RTL9: variants seen among roughly 807,000 people sequenced by gnomAD.
RTL9 encodes the protein retrotransposon Gag like 9.
Under a neutral mutation model 44.7 loss-of-function variants are expected in RTL9, and 19 were observed. The observed-to-expected ratio is 0.42, with a 90% CI of 0.30 to 0.62. The LOEUF (loss-of-function observed/expected upper bound fraction) is 0.62, where lower values mean the gene tolerates loss of function less well. RTL9 is among the 20% of genes least tolerant of loss of function. The probability of loss-of-function intolerance (pLI) is 0.16; values close to 1 mark genes in which losing one functional copy is unlikely to be tolerated. For synonymous variants in RTL9, 407 were observed against 398.9 expected, an observed-to-expected ratio of 1.02 and a Z score of -0.24; for missense variants, 1,105 against 1,080.6, an observed-to-expected ratio of 1.02 and a Z score of -0.32.
chrX:110,449,315 G>A (rs1435196545), upstream of RTL9, among the ~76,000 whole-genome samples: 1 of 112,476 alleles, frequency 8.9e-6, no homozygotes, highest in Admixed American at 9.4e-5. Context: ...GTGCCTAGCA[G>A]AGTGTTTGCC....
chrX:110,429,453 A>G (rs915069646), intron 1 of RTL9, among the ~76,000 whole-genome samples: 1 of 100,461 alleles, frequency 1.0e-5, no homozygotes, highest in Non-Finnish European at 1.9e-5. Context: ...ACTTAGAGAA[A>G]AAGTGTTTTT....
At chrX:110,365,528 C>T (rs186861145) in intron 1 of RTL9, among the ~76,000 whole-genome samples, 53 of 111,806 alleles carry the variant, frequency 4.7e-4, no homozygotes, top group Non-Finnish European at 9.0e-4. Context: ...TAATCCTGCT[C>T]TCCTGAGACA....
At chrX:110,452,927 A>G (rs142157961) in exon 1 of RTL9, 49 of 1,210,039 alleles carry the variant, frequency 4.0e-5, no homozygotes, top group Non-Finnish European at 5.5e-5. Context: ...TGTCCACACC[A>G]CTAATGAGAA....
chrX:110,424,351 T>C (rs972336285), intron 1 of RTL9, among the ~76,000 whole-genome samples: 16 of 111,820 alleles, frequency 1.4e-4, no homozygotes, highest in Admixed American at 7.6e-4. Flanking sequence ...CTGCTACTGT[T>C]TCTCCTCCTC....
At chrX:110,455,085 A>T (rs1286927615) in intron 1 of RTL9, 117 bp from the exon 4 acceptor site, 2 of 967,789 alleles carry the variant, frequency 2.1e-6, no homozygotes, top group African/African-American at 3.9e-5. Context: ...ACTGTATGCA[A>T]GTGAGATAAA....
chrX:110,448,073 G>C (rs2068918170), upstream of RTL9, among the ~76,000 whole-genome samples: 1 of 112,184 alleles, frequency 8.9e-6, no homozygotes, highest in Non-Finnish European at 1.9e-5. Flanking sequence ...GAAATCCATG[G>C]AGCCTTTCTG....
At chrX:110,406,854 T>C (rs2068606070) in intron 1 of RTL9, among the ~76,000 whole-genome samples, 1 of 112,174 alleles carries the variant, frequency 8.9e-6, no homozygotes, top group Admixed American at 9.5e-5. Flanking sequence ...GGATGTTTCA[T>C]GCAATAGTTT....
intron 1 of RTL9, among the ~76,000 whole-genome samples, chrX:110,391,487 A>G (rs1370900383): frequency 8.9e-6 from 1 of 111,900 alleles, no homozygotes; most frequent in Non-Finnish European, 1.9e-5. Context: ...ACAATTTTCT[A>G]TATCATTATT....
chrX:110,367,710 C>T (rs1056075225), intron 1 of RTL9, among the ~76,000 whole-genome samples: 19 of 111,292 alleles, frequency 1.7e-4, no homozygotes, highest in Middle Eastern at 4.6e-3. Context: ...TTTATCCATT[C>T]TTCTGGTTAT....
At chrX:110,442,784 A>G (rs1361709909) in intron 1 of RTL9, among the ~76,000 whole-genome samples, 1 of 111,617 alleles carries the variant, frequency 9.0e-6, no homozygotes, top group Non-Finnish European at 1.9e-5. Flanking sequence ...ATAGGTGACT[A>G]TTCTTGGTAC....
chrX:110,448,729 G>C (rs370083937), upstream of RTL9, among the ~76,000 whole-genome samples: 5 of 109,411 alleles, frequency 4.6e-5, no homozygotes, highest in African/African-American at 1.7e-4. Flanking sequence ...GATAGCAAAG[G>C]GAGATTGCAG....
At chrX:110,400,700 T>C (rs1193207102) in intron 1 of RTL9, among the ~76,000 whole-genome samples, 1 of 112,097 alleles carries the variant, frequency 8.9e-6, no homozygotes, top group Non-Finnish European at 1.9e-5. Context: ...TCAGTGCCCT[T>C]AGGTACCCTC....
chrX:110,370,043 G>A (rs2148260608), intron 1 of RTL9, among the ~76,000 whole-genome samples: 1 of 110,983 alleles, frequency 9.0e-6, no homozygotes, highest in East Asian at 2.8e-4. Context: ...GTCTGAATCT[G>A]CCTTCCTGAA....
chrX:110,409,846 A>G (rs1044873554), intron 1 of RTL9, among the ~76,000 whole-genome samples: 13 of 111,301 alleles, frequency 1.2e-4, no homozygotes, highest in African/African-American at 4.3e-4. Context: ...ATAAGTACAG[A>G]GGGAGGTATT....
chrX:110,413,514 A>ACCCCCCCCCCC (rs538812473), intron 1 of RTL9, among the ~76,000 whole-genome samples: 2 of 93,286 alleles, frequency 2.1e-5, no homozygotes, highest in African/African-American at 4.1e-5. Context: ...CTCCTGGTCA[A>ACCCCCCCCCCC]CCCCCCCCCA....
chrX:110,378,665 T>C (rs1280822405), intron 1 of RTL9, among the ~76,000 whole-genome samples: 1 of 112,223 alleles, frequency 8.9e-6, no homozygotes, highest in Non-Finnish European at 1.9e-5. Flanking sequence ...AGTGTTTCTT[T>C]CACCTGGAAT....
intron 1 of RTL9, among the ~76,000 whole-genome samples, chrX:110,435,664 G>A (rs1340705071): frequency 9.0e-6 from 1 of 111,563 alleles, no homozygotes; most frequent in Non-Finnish European, 1.9e-5. Flanking sequence ...ATCTAGAATG[G>A]CCTTGGTCTC....
intron 1 of RTL9, among the ~76,000 whole-genome samples, chrX:110,424,232 G>A (rs1299512604): frequency 9.0e-6 from 1 of 111,562 alleles, no homozygotes; most frequent in Non-Finnish European, 1.9e-5. Flanking sequence ...AGCACATTGT[G>A]GGCCCGTCAC....
chrX:110,393,316 CT>C (rs1389687287), intron 1 of RTL9, among the ~76,000 whole-genome samples: 17 of 112,090 alleles, frequency 1.5e-4, no homozygotes, highest in African/African-American at 5.5e-4. Context: ...ATCCCAGAGC[CT>C]GGCAGAGAGC....
Sources: allele counts gnomAD v4.1 joint callset (sites outside exome capture counted in the v4.1 genomes callset), GRCh38; gene constraint gnomAD v4.1.1; transcripts MANE v1.5; gene names NCBI Gene and HGNC (gene_info 2026-07-23, HGNC 2026-07-21).